The following FSTL5 variants were observed in gnomAD, a reference collection of about 807,000 sequenced individuals.
The protein encoded by FSTL5 is follistatin like 5.
FSTL5 carries 62 observed loss-of-function variants against 89.1 expected under a neutral mutation model. The ratio of observed to expected loss-of-function variants is 0.70; its 90% CI spans 0.57 to 0.86. FSTL5 has a LOEUF of 0.86. Among genes scored for constraint, FSTL5 ranks in the 40% least tolerant of loss-of-function variants. The pLI is 0.00. For synonymous variants in FSTL5, 383 were observed against 346.2 expected, an observed-to-expected ratio of 1.11 and a Z score of -1.18; for missense variants, 1,057 against 1,001.6, an observed-to-expected ratio of 1.06 and a Z score of -0.75.
intron 4 of FSTL5, among the ~76,000 whole-genome samples, chr4:161,901,720 A>C (rs912915580): frequency 6.6e-6 from 1 of 152,098 alleles, no homozygotes; most frequent in African/African-American, 2.4e-5. Context: ...GGATTGCCTG[A>C]GCTCAGGAGT....
intron 1 of FSTL5, among the ~76,000 whole-genome samples, chr4:162,158,199 G>T (rs548077285): frequency 6.6e-6 from 1 of 152,012 alleles, no homozygotes; most frequent in African/African-American, 2.4e-5. Flanking sequence ...ATCTCCAGTA[G>T]GACTTTTAAG....
intron 4 of FSTL5, among the ~76,000 whole-genome samples, chr4:161,820,697 A>C (rs375791068): frequency 6.6e-6 from 1 of 152,152 alleles, no homozygotes; most frequent in African/African-American, 2.4e-5. Flanking sequence ...ACAGATGAGC[A>C]GGGGAGACTT....
chr4:161,648,749 G>C (rs1736236570), intron 7 of FSTL5, among the ~76,000 whole-genome samples: 2 of 152,058 alleles, frequency 1.3e-5, no homozygotes, highest in South Asian at 4.1e-4. Flanking sequence ...TCTATGCACT[G>C]AAGGGCCCTA....
chr4:162,144,165 G>A lies in FSTL5; in HGVS notation c.-17+19450C>T, dbSNP rs186988878. ...AGAACTTGCCTAGAGACTGGTCTGCGGGAGATAAACAAAACATATTCTAAT... is the reference window on the plus strand; with the variant it reads ...AGAACTTGCCTAGAGACTGGTCTGCAGGAGATAAACAAAACATATTCTAAT... On this transcript the variant is annotated intron_variant, in intron 1 of 15. Coordinates refer to ENST00000306100, the MANE Select transcript of FSTL5 (RefSeq NM_020116.5). 2.6e-3 allele frequency among the ~76,000 whole-genome samples: 392 copies of A among 152,200 alleles called. 1 individual carries two copies. The highest frequency in any genetic ancestry group is 0.01 in the Middle Eastern group (3 of 294).
chr4:161,484,306 T>C (rs569622705), intron 12 of FSTL5, among the ~76,000 whole-genome samples: 2 of 152,246 alleles, frequency 1.3e-5, no homozygotes, highest in Admixed American at 6.5e-5. Context: ...CTCACAAACA[T>C]GTCTATTCTC....
intron 7 of FSTL5, among the ~76,000 whole-genome samples, chr4:161,639,307 A>G (rs1010131519): frequency 6.6e-6 from 1 of 152,160 alleles, no homozygotes; most frequent in East Asian, 1.9e-4. Context: ...ATTATTATGT[A>G]CTTGATGGGA....
chr4:162,129,273 G>A (rs1732204898), intron 1 of FSTL5, among the ~76,000 whole-genome samples: 2 of 152,130 alleles, frequency 1.3e-5, no homozygotes, highest in African/African-American at 4.8e-5. Context: ...CATTAGTTTT[G>A]TTCAAATCCA....
intron 2 of FSTL5, among the ~76,000 whole-genome samples, chr4:162,084,828 T>G (rs527458971): frequency 6.6e-6 from 1 of 151,992 alleles, no homozygotes. Flanking sequence ...ATGTACATGA[T>G]GGGTTGATGG....
At chr4:161,693,678 G>A (rs1159920285) in intron 6 of FSTL5, among the ~76,000 whole-genome samples, 38 of 105,256 alleles carry the variant, frequency 3.6e-4, no homozygotes, top group African/African-American at 1.2e-3. Context: ...TCACTCTTTC[G>A]CCCAGGCCGG....
chr4:161,723,022 G>T (rs930432162), intron 6 of FSTL5, among the ~76,000 whole-genome samples: 1 of 151,994 alleles, frequency 6.6e-6, no homozygotes, highest in African/African-American at 2.4e-5. Flanking sequence ...AGCAGAAATC[G>T]GCAAGGCCAA....
At chr4:161,588,351 C>T (rs911378141) in intron 7 of FSTL5, among the ~76,000 whole-genome samples, 1 of 151,864 alleles carries the variant, frequency 6.6e-6, no homozygotes, top group African/African-American at 2.4e-5. Context: ...ATTATTAAAG[C>T]AGTGTGATCT....
chr4:161,499,237 A>T (rs939334609), intron 12 of FSTL5, among the ~76,000 whole-genome samples: 2 of 152,122 alleles, frequency 1.3e-5, no homozygotes, highest in Non-Finnish European at 2.9e-5. Flanking sequence ...TCCATGTGCA[A>T]TTTAAGATTT....
At chr4:161,693,636 C>CT (rs5863476) in intron 6 of FSTL5, among the ~76,000 whole-genome samples, 4,967 of 105,290 alleles carry the variant, frequency 0.047, 423 homozygotes, top group South Asian at 0.18. Flanking sequence ...TCTTGTAAAT[C>CT]TTTTTTTTTT....
chr4:161,994,588 A>G (rs926530444), intron 3 of FSTL5, among the ~76,000 whole-genome samples: 2 of 152,164 alleles, frequency 1.3e-5, no homozygotes, highest in Non-Finnish European at 2.9e-5. Context: ...CTGATATGAG[A>G]TGACATCTCA....
intron 3 of FSTL5, among the ~76,000 whole-genome samples, chr4:161,951,301 C>T (rs931033883): frequency 6.6e-6 from 1 of 152,040 alleles, no homozygotes; most frequent in African/African-American, 2.4e-5. Context: ...TACACTACTA[C>T]TACTGCTTCT....
intron 7 of FSTL5, among the ~76,000 whole-genome samples, chr4:161,592,709 T>C (rs1560969483): frequency 6.6e-6 from 1 of 152,210 alleles, no homozygotes; most frequent in African/African-American, 2.4e-5. Context: ...GCCTTTGCTA[T>C]TGTGAATAGT....
chr4:161,425,967 GA>G (rs1223494728), intron 15 of FSTL5, among the ~76,000 whole-genome samples: 2 of 150,452 alleles, frequency 1.3e-5, no homozygotes, highest in East Asian at 1.9e-4. Context: ...TTGGCACATA[GA>G]AAAAAAGGAC....
intron 6 of FSTL5, among the ~76,000 whole-genome samples, chr4:161,718,452 G>C (rs553130280): frequency 2.0e-3 from 307 of 150,778 alleles, no homozygotes; most frequent in African/African-American, 7.0e-3. Flanking sequence ...TTTTTGAGAT[G>C]GAGTCTCACT....
chr4:162,150,057 G>A (rs538628508), intron 1 of FSTL5, among the ~76,000 whole-genome samples: 1 of 152,096 alleles, frequency 6.6e-6, no homozygotes, highest in South Asian at 2.1e-4. Context: ...AAGAATATTG[G>A]CTAATCAGGA....
Sources: gnomAD v4.1 joint callset for allele counts (sites outside exome capture counted in the v4.1 genomes callset) on GRCh38, gnomAD v4.1.1 for gene constraint, MANE v1.5 for transcripts, NCBI Gene and HGNC (gene_info 2026-07-23, HGNC 2026-07-21) for gene names.